Variants in CCDC81 observed in about 807,000 individuals in gnomAD.
CCDC81 encodes the protein coiled-coil domain-containing protein 81.
Under a neutral mutation model 83.7 loss-of-function variants are expected in CCDC81, and 79 were observed. That is an observed-to-expected ratio of 0.94 (90% CI 0.79 to 1.14). The LOEUF is 1.14. Ranked by LOEUF, CCDC81 falls within the 50% of genes most tolerant of loss-of-function variation. CCDC81 has a pLI of 0.00. For missense variants in CCDC81, 791 were observed against 778.1 expected, an observed-to-expected ratio of 1.02 and a Z score of -0.20; for synonymous variants, 252 against 278.1, an observed-to-expected ratio of 0.91 and a Z score of 0.93.
At chr11:86,404,718 A>G (rs1024301114) in intron 7 of CCDC81, among the ~76,000 whole-genome samples, 1 of 152,234 alleles carries the variant, frequency 6.6e-6, no homozygotes, top group Non-Finnish European at 1.5e-5. Context: ...GAGAGTATGA[A>G]CAAGGTATAA....
chr11:86,383,178 G>T (rs1948196070), intron 1 of CCDC81, among the ~76,000 whole-genome samples: 1 of 152,144 alleles, frequency 6.6e-6, no homozygotes. Flanking sequence ...ATGTGAACTG[G>T]GTAAAAGTTG....
Position 86,422,961 on chromosome 11 carries a change from C to T in CCDC81, c.*246C>T. On this transcript the variant is annotated 3_prime_UTR_variant, in exon 15 of 15. Transcript: ENST00000445632. ...GAATGGTCCTGAGGGCTAGAACCTG[C>T]TGCACAGGGGCTGGGAATGGGATCC... 1 of 419,496 alleles carries T rather than the reference C, an allele frequency of 2.4e-6. No individual in the cohort carries two copies. The highest frequency in any genetic ancestry group is 2.0e-5 in the African/African-American group (1 of 49,824). 26.0% of individuals were successfully genotyped at this position (419,496 alleles called of 1,614,324 possible).
chr11:86,401,941 C>T (rs544798814), intron 7 of CCDC81, among the ~76,000 whole-genome samples: 10 of 151,894 alleles, frequency 6.6e-5, no homozygotes, highest in Middle Eastern at 3.4e-3. Context: ...TCAAGACTAT[C>T]CTGGCTAACA....
At chr11:86,407,752 T>C in intron 8 of CCDC81, 51 bp downstream of exon 8, 2 of 1,407,710 alleles carry the variant, frequency 1.4e-6, no homozygotes, top group Non-Finnish European at 2.0e-6. Flanking sequence ...TACTGATTTT[T>C]GTTTCTCAAA....
At chr11:86,375,660 T>C (rs907930756) in intron 1 of CCDC81, among the ~76,000 whole-genome samples, 4 of 152,086 alleles carry the variant, frequency 2.6e-5, no homozygotes, top group African/African-American at 9.7e-5. Flanking sequence ...CATCATGCCG[T>C]TGTATTAAGA....
intron 6 of CCDC81, among the ~76,000 whole-genome samples, chr11:86,399,596 G>A (rs1004231522): frequency 1.5e-4 from 23 of 152,070 alleles, no homozygotes; most frequent in Non-Finnish European, 2.8e-4. Context: ...GATTACAGGC[G>A]TGAGCCACTA....
chr11:86,407,579 A>G, intron 7 of CCDC81, 35 bp from the exon 8 acceptor site: 4 of 1,395,078 alleles, frequency 2.9e-6, no homozygotes, highest in Non-Finnish European at 4.0e-6. Context: ...GTCAGATTGT[A>G]TTAAACATTA....
chr11:86,382,514 G>T (rs1948189153), intron 1 of CCDC81, among the ~76,000 whole-genome samples: 1 of 152,164 alleles, frequency 6.6e-6, no homozygotes, highest in Non-Finnish European at 1.5e-5. Context: ...AGATTTAAGA[G>T]AAGAAAGATT....
intron 13 of CCDC81, among the ~76,000 whole-genome samples, chr11:86,417,755 T>G (rs1032890944): frequency 7.9e-5 from 12 of 151,996 alleles, no homozygotes; most frequent in Non-Finnish European, 1.6e-4. Flanking sequence ...CCTTTTTTTT[T>G]TTGTTTTTTT....
chr11:86,388,184 CCCTCCTTT>C (rs1565759416), intron 3 of CCDC81, among the ~76,000 whole-genome samples: 1 of 132,604 alleles, frequency 7.5e-6, no homozygotes, highest in African/African-American at 2.9e-5. Flanking sequence ...CTCCCTCCCT[CCCTCCTTT>C]CCTCCTTCCC....
intron 7 of CCDC81, among the ~76,000 whole-genome samples, chr11:86,405,313 C>T (rs1331284410): frequency 6.6e-6 from 1 of 152,080 alleles, no homozygotes; most frequent in East Asian, 1.9e-4. Context: ...AACAGTGCAA[C>T]ATCTGATTAG....
chr11:86,376,420 G>T (rs946866301), intron 1 of CCDC81, among the ~76,000 whole-genome samples: 1 of 152,146 alleles, frequency 6.6e-6, no homozygotes, highest in Non-Finnish European at 1.5e-5. Context: ...GGCTGGGGGA[G>T]CCCTCAGGAA....
chr11:86,397,946 T>C (rs1215969368), intron 6 of CCDC81, among the ~76,000 whole-genome samples: 2 of 151,866 alleles, frequency 1.3e-5, no homozygotes, highest in Non-Finnish European at 2.9e-5. Context: ...ACCTCCCAGG[T>C]TCAAGCGACT....
intron 10 of CCDC81, among the ~76,000 whole-genome samples, 161 bp from the exon 11 acceptor site, chr11:86,412,224 CAT>C (rs1289345963): frequency 6.6e-6 from 1 of 152,208 alleles, no homozygotes; most frequent in Admixed American, 6.5e-5. Flanking sequence ...TGAACACACT[CAT>C]ATGATTCTAT....
At chr11:86,401,538 A>G (rs1948486963) in intron 7 of CCDC81, among the ~76,000 whole-genome samples, 1 of 152,192 alleles carries the variant, frequency 6.6e-6, no homozygotes, top group Non-Finnish European at 1.5e-5. Context: ...GGATAATATC[A>G]CTGTTATGAA....
At chr11:86,419,802 A>T in intron 13 of CCDC81, 126 bp from the exon 14 acceptor site, 1 of 883,146 alleles carries the variant, frequency 1.1e-6, no homozygotes. Flanking sequence ...CATGCTTTTT[A>T]GTATATTTCA....
At chr11:86,401,279 G>A (rs1319919931) in intron 7 of CCDC81, among the ~76,000 whole-genome samples, 1 of 151,624 alleles carries the variant, frequency 6.6e-6, no homozygotes, top group Non-Finnish European at 1.5e-5. Context: ...TTCTTGTGAT[G>A]GTATGTCAAA....
At chr11:86,402,599 T>G (rs1287215114) in intron 7 of CCDC81, among the ~76,000 whole-genome samples, 1 of 152,226 alleles carries the variant, frequency 6.6e-6, no homozygotes, top group East Asian at 1.9e-4. Flanking sequence ...TACAACTGGA[T>G]ATTCCATAGG....
chr11:86,397,141 C>T (rs900094924), intron 5 of CCDC81, among the ~76,000 whole-genome samples: 15 of 151,584 alleles, frequency 9.9e-5, no homozygotes, highest in African/African-American at 3.6e-4. Context: ...CAAATTGTAG[C>T]TTTGCAAGTC....
Sources: gnomAD v4.1 joint callset for allele counts (sites outside exome capture counted in the v4.1 genomes callset) on GRCh38, gnomAD v4.1.1 for gene constraint, MANE v1.5 for transcripts, NCBI Gene and HGNC (gene_info 2026-07-23, HGNC 2026-07-21) for gene names.